Variants in STK32A observed in about 807,000 individuals in gnomAD.
STK32A encodes the protein serine/threonine-protein kinase 32A.
Under a neutral mutation model 53.2 loss-of-function variants are expected in STK32A, and 41 were observed. The observed-to-expected ratio is 0.77, with a 90% confidence interval of 0.60 to 1.00. The LOEUF (loss-of-function observed/expected upper bound fraction) is 1.00. Ranked by LOEUF, STK32A falls within the 50% of genes least tolerant of loss-of-function variation. The probability of loss-of-function intolerance (pLI) is 0.00; values close to 1 mark genes in which losing one functional copy is unlikely to be tolerated. For synonymous variants in STK32A, 166 were observed against 162.8 expected, an observed-to-expected ratio of 1.02 and a Z score of -0.15; for missense variants, 458 against 485.8, an observed-to-expected ratio of 0.94 and a Z score of 0.54.
rs188632585 is a variant in STK32A at position 147,351,210 on chromosome 5, A to C, written c.562+56A>C. 2.2e-5 allele frequency: 31 copies of C among 1,427,524 alleles called. 1 individual carries two copies. In the Middle Eastern group the frequency reaches 5.5e-4, roughly 25 times the overall value. The allele number at this position is 1,427,524 out of a possible 1,614,324, so 88.4% of individuals were successfully genotyped here. On this transcript the variant is annotated intron_variant, in intron 7 of 12. Coordinates refer to ENST00000397936, the MANE Select transcript of STK32A (RefSeq NM_001112724.2). Reference sequence around the variant, plus strand: ...CTTTCCTGTAAATACCATTTATTACAGGTGGAATCATCTGTGGGGATTTGC... The same window carrying C: ...CTTTCCTGTAAATACCATTTATTACCGGTGGAATCATCTGTGGGGATTTGC...
the STK32A span, among the ~76,000 whole-genome samples, chr5:147,397,044 T>A: frequency 6.8e-6 from 1 of 147,880 alleles, no homozygotes; most frequent in Non-Finnish European, 1.5e-5. Context: ...TATATTTATA[T>A]ATTATTCTAT....
At chr5:147,241,432 A>T (rs2400281) in intron 2 of STK32A, among the ~76,000 whole-genome samples, 87,674 of 151,872 alleles carry the variant, frequency 0.58, 25,772 homozygotes, top group Admixed American at 0.69. Context: ...TGAGCCGAGA[A>T]CCGGCCACTG....
chr5:147,378,917 G>A (rs1402436324), intron 11 of STK32A, among the ~76,000 whole-genome samples: 5 of 86,974 alleles, frequency 5.7e-5, no homozygotes, highest in Admixed American at 5.0e-4. Flanking sequence ...GCCCTTATTT[G>A]GTTCCATATA....
chr5:147,392,741 A>G (rs1757850208), downstream of STK32A: 1 of 152,130 alleles, frequency 6.6e-6, no homozygotes, highest in African/African-American at 2.4e-5. Flanking sequence ...ACTTCCACTC[A>G]CTTGGGGAGA....
intron 5 of STK32A, among the ~76,000 whole-genome samples, chr5:147,341,206 G>T (rs1354398022): frequency 2.0e-5 from 3 of 152,098 alleles, no homozygotes; most frequent in Non-Finnish European, 4.4e-5. Flanking sequence ...TTTTCACCTG[G>T]CAAACAGTAC....
Position 147,259,842 on chromosome 5 carries a change from G to A in STK32A, c.53-18282G>A, listed in dbSNP as rs533933345. Among the ~76,000 whole-genome samples, 11 of 120,416 alleles carry A rather than the reference G, an allele frequency of 9.1e-5. No individual in the cohort carries two copies. The East Asian group carries it at 2.3e-3, about 25-fold the overall frequency. 79.0% of individuals were successfully genotyped at this position (120,416 alleles called of 152,430 possible). A position where few individuals can be genotyped will look rare whatever the true frequency, so the allele number is the denominator to read the frequency against. ...TCTCTCTCTTGTTTCTCTCTCCTCTGTCTCTCTCCTCTCTCCCTCTCTTCT... is the reference window on the plus strand; with the variant it reads ...TCTCTCTCTTGTTTCTCTCTCCTCTATCTCTCTCCTCTCTCCCTCTCTTCT... On this transcript the variant is annotated intron_variant, in intron 2 of 12. Coordinates refer to ENST00000397936, the MANE Select transcript of STK32A (RefSeq NM_001112724.2).
At chr5:147,293,577 A>G (rs1333816108) in intron 4 of STK32A, among the ~76,000 whole-genome samples, 1 of 151,722 alleles carries the variant, frequency 6.6e-6, no homozygotes, top group Non-Finnish European at 1.5e-5. Flanking sequence ...ACTTACTCAA[A>G]ATATTTTTAC....
At chr5:147,353,218 T>C (rs1263984853) in intron 7 of STK32A, among the ~76,000 whole-genome samples, 1 of 152,206 alleles carries the variant, frequency 6.6e-6, no homozygotes, top group African/African-American at 2.4e-5. Context: ...GCCAGATCAA[T>C]CCTCCACCTC....
chr5:147,301,158 G>A (rs1753112504), intron 4 of STK32A, among the ~76,000 whole-genome samples: 1 of 152,174 alleles, frequency 6.6e-6, no homozygotes, highest in Non-Finnish European at 1.5e-5. Context: ...AGAAAGTCCT[G>A]GGGCAAAGGT....
chr5:147,242,910 T>A (rs1365164729), intron 2 of STK32A, among the ~76,000 whole-genome samples: 1 of 152,192 alleles, frequency 6.6e-6, no homozygotes, highest in Non-Finnish European at 1.5e-5. Flanking sequence ...GTGAAGCTCC[T>A]GACCAAGAAA....
At chr5:147,398,458 A>G in the STK32A span, among the ~76,000 whole-genome samples, 1 of 152,200 alleles carries the variant, frequency 6.6e-6, no homozygotes. Flanking sequence ...AATAGTCCCT[A>G]CCTGTAGAAG....
At chr5:147,237,040 C>T (rs958078406) in intron 1 of STK32A, among the ~76,000 whole-genome samples, 2 of 152,136 alleles carry the variant, frequency 1.3e-5, no homozygotes, top group African/African-American at 4.8e-5. Context: ...CGGCCAGGCA[C>T]GGTGGCTCAA....
intron 2 of STK32A, among the ~76,000 whole-genome samples, chr5:147,254,206 G>C (rs1754123673): frequency 6.6e-6 from 1 of 152,146 alleles, no homozygotes; most frequent in South Asian, 2.1e-4. Context: ...AAATTTCACA[G>C]TCTGACATAC....
At chr5:147,289,657 G>T (rs1752510537) in intron 4 of STK32A, among the ~76,000 whole-genome samples, 1 of 151,690 alleles carries the variant, frequency 6.6e-6, no homozygotes, top group Non-Finnish European at 1.5e-5. Context: ...ATATATATGT[G>T]TGTGTATATA....
chr5:147,390,311 T>A, downstream of STK32A, among the ~76,000 whole-genome samples: 1 of 152,162 alleles, frequency 6.6e-6, no homozygotes, highest in Non-Finnish European at 1.5e-5. Flanking sequence ...GAAGAGCAGA[T>A]ATAGCAAATA....
chr5:147,305,130 A>G (rs1206356437), intron 4 of STK32A, among the ~76,000 whole-genome samples: 1 of 152,136 alleles, frequency 6.6e-6, no homozygotes, highest in Non-Finnish European at 1.5e-5. Flanking sequence ...ATTGTTGCAG[A>G]ACTTTCTCCT....
chr5:147,373,059 G>A lies in STK32A; in HGVS notation c.778-110G>A, dbSNP rs757177699. 164 of 1,327,762 alleles carry A rather than the reference G, an allele frequency of 1.2e-4. 2 individuals carry two copies. The highest frequency in any genetic ancestry group is 1.9e-4 in the Middle Eastern group (1 of 5,284). 82.2% of individuals were successfully genotyped at this position (1,327,762 alleles called of 1,614,324 possible). On this transcript the variant is annotated intron_variant, in intron 9 of 12. Transcript: ENST00000397936. The stretch of plus-strand genomic sequence containing the variant: ...TATGGGATTAGGGATAGGGGACACT[G>A]TCTATTTTCCTTCAGTCCTACAGTT...
At chr5:147,288,321 A>G (rs1752439842) in intron 4 of STK32A, among the ~76,000 whole-genome samples, 1 of 152,202 alleles carries the variant, frequency 6.6e-6, no homozygotes, top group Non-Finnish European at 1.5e-5. Flanking sequence ...ATTCTTCCTA[A>G]TAAATGCTTT....
intron 4 of STK32A, among the ~76,000 whole-genome samples, chr5:147,300,402 G>T (rs974252857): frequency 1.3e-5 from 2 of 152,140 alleles, no homozygotes; most frequent in African/African-American, 4.8e-5. Flanking sequence ...AATATGTAAG[G>T]AACAGGATTT....
Sources: allele counts gnomAD v4.1 joint callset (sites outside exome capture counted in the v4.1 genomes callset), GRCh38; gene constraint gnomAD v4.1.1; transcripts MANE v1.5; gene names NCBI Gene and HGNC (gene_info 2026-07-23, HGNC 2026-07-21).